Variants in SEC22A observed in about 807,000 individuals in gnomAD.
SEC22A encodes the protein SEC22 homolog A, vesicle trafficking protein.
Under a neutral mutation model 35.3 loss-of-function variants are expected in SEC22A, and 22 were observed. The ratio of observed to expected loss-of-function variants is 0.62; its 90% CI spans 0.45 to 0.89. The LOEUF is 0.89. SEC22A is among the 40% of genes least tolerant of loss of function. SEC22A has a pLI of 0.00. For synonymous variants in SEC22A, 119 were observed against 129.5 expected (o/e 0.92, Z 0.55); for missense variants, 354 against 362.5 (o/e 0.98, Z 0.19).
rs1427997044 is a variant in SEC22A at position 123,219,068 on chromosome 3, T to G, written c.183-4491T>G. Among the ~76,000 whole-genome samples, 4 of 152,354 alleles carry G rather than the reference T, an allele frequency of 2.6e-5. No individual in the cohort carries two copies. The East Asian group carries it at 7.7e-4, about 29-fold the overall frequency. On this transcript the variant is annotated intron_variant, in intron 2 of 6. Transcript: ENST00000492595. ...AGATTGTGTGTTCTGGGAAGGACTT[T>G]CAGTCTAAGAACTGAAGGATATGTA...
At chr3:123,210,765 G>C (rs1281123529) in intron 2 of SEC22A, among the ~76,000 whole-genome samples, 1 of 152,174 alleles carries the variant, frequency 6.6e-6, no homozygotes, top group Non-Finnish European at 1.5e-5. Flanking sequence ...AGTCCATATA[G>C]GATATAATAA....
chr3:123,209,148 T>C, intron 1 of SEC22A, 51 bp from the exon 2 acceptor site: 1 of 1,416,594 alleles, frequency 7.1e-7, no homozygotes, highest in Non-Finnish European at 1.0e-6. Flanking sequence ...CATATGCTTA[T>C]CAAGTTTGGC....
rs1272444272 is a variant in SEC22A, at chr3:123,209,269, C to T, written c.52C>T (p.Leu18Phe). The T allele has an allele frequency of 6.2e-7, 1 of 1,614,116 alleles. No homozygotes were observed. Among genetic ancestry groups the T allele is most frequent in the Non-Finnish European group, 8.5e-7 (1 of 1,179,986 alleles). Residue 18 changes from leucine to phenylalanine, a missense_variant, in exon 2 of 7, where the codon CTT (leucine) becomes TTT (phenylalanine). Transcript: ENST00000492595. Reference protein sequence around the residue: ...SVIRVRDGLPLSASTDYEQST... With the variant: ...SVIRVRDGLPFSASTDYEQST... The stretch of plus-strand genomic sequence containing the variant: ...CATTCGTGTCAGAGATGGACTGCCA[C>T]TTTCTGCTTCTACTGATTATGAACA...
In SEC22A at chr3:123,241,873, A is replaced by C. The variant is rs1477987098; in HGVS notation, c.542-4026A>C. On this transcript the variant is annotated intron_variant, in intron 4 of 6. Coordinates refer to ENST00000492595, the MANE Select transcript of SEC22A (RefSeq NM_012430.5). Reference sequence around the variant, plus strand: ...GAACTGGAGATCATTAAGTAAAATAAGCCAGGCACAGAAAGACAAACATTG... The same window carrying C: ...GAACTGGAGATCATTAAGTAAAATACGCCAGGCACAGAAAGACAAACATTG... 2.0e-5 allele frequency among the ~76,000 whole-genome samples: 3 copies of C among 152,174 alleles called. No individual in the cohort carries two copies. In the East Asian group the frequency reaches 5.8e-4, roughly 29 times the overall value.
At chr3:123,256,983 T>C (rs1239555200) in intron 5 of SEC22A, among the ~76,000 whole-genome samples, 1 of 152,052 alleles carries the variant, frequency 6.6e-6, no homozygotes, top group African/African-American at 2.4e-5. Context: ...ATGGTCTCGA[T>C]ATCCTGACCT....
chr3:123,250,870 T>C (rs1937606562), intron 5 of SEC22A, among the ~76,000 whole-genome samples: 2 of 152,324 alleles, frequency 1.3e-5, no homozygotes, highest in East Asian at 3.9e-4. Context: ...AAGAGACTAA[T>C]GAACATGTTA....
chr3:123,271,550 G>C lies in SEC22A; in HGVS notation c.752G>C (p.Trp251Ser), dbSNP rs1938159110. 1.9e-6 allele frequency: 3 copies of C among 1,613,660 alleles called. No individual in the cohort carries two copies. The highest frequency in any genetic ancestry group is 2.5e-6 in the Non-Finnish European group (3 of 1,180,010). Residue 251 changes from tryptophan to serine, a missense_variant, in exon 7 of 7, where the codon TGG becomes TCG. Physicochemically the swap from Trp to Ser is radical, Grantham distance 177 (BLOSUM62 -3). Transcript: ENST00000492595. ...TATTTACTTGTCTACTACACCGGCT[G>C]GCGGAATGTCAAATCTTTTTTGACT... ...QCYLLVYYTG[W>S]RNVKSFLTFG...
chr3:123,252,723 G>T (rs1937628527), intron 5 of SEC22A, among the ~76,000 whole-genome samples: 1 of 152,180 alleles, frequency 6.6e-6, no homozygotes, highest in African/African-American at 2.4e-5. Flanking sequence ...AATGGTGTTT[G>T]AAGATTCAGC....
At chr3:123,268,256 T>G (rs1320120393) in intron 6 of SEC22A, among the ~76,000 whole-genome samples, 1 of 152,246 alleles carries the variant, frequency 6.6e-6, no homozygotes, top group Non-Finnish European at 1.5e-5. Flanking sequence ...TCTTTCCTGG[T>G]CTTTTACCAG....
chr3:123,256,145 T>G (rs1267845737), intron 5 of SEC22A, among the ~76,000 whole-genome samples: 1 of 152,216 alleles, frequency 6.6e-6, no homozygotes, highest in Non-Finnish European at 1.5e-5. Context: ...TATATAGTGT[T>G]TTGTTCCTCT....
intron 2 of SEC22A, among the ~76,000 whole-genome samples, chr3:123,222,470 A>G (rs1937144849): frequency 6.6e-6 from 1 of 152,080 alleles, no homozygotes; most frequent in Non-Finnish European, 1.5e-5. Flanking sequence ...AAGTGCTGGG[A>G]TTACAGGCCC....
intron 5 of SEC22A, among the ~76,000 whole-genome samples, chr3:123,251,581 TGA>T (rs1471363165): frequency 6.7e-6 from 1 of 148,682 alleles, no homozygotes; most frequent in East Asian, 1.9e-4. Flanking sequence ...TTGAGGTTCC[TGA>T]GAGAGTGATT....
At chr3:123,242,522 C>T (rs9865937) in intron 4 of SEC22A, among the ~76,000 whole-genome samples, 29,538 of 147,162 alleles carry the variant, frequency 0.2, 2,983 homozygotes, top group Middle Eastern at 0.28. Context: ...TTAATTTTAG[C>T]TTTATTCTTT....
chr3:123,243,930 A>G (rs1033231834), intron 4 of SEC22A: 2 of 152,218 alleles, frequency 1.3e-5, no homozygotes, highest in East Asian at 1.9e-4. Context: ...GGAGAAGGCA[A>G]TAATAACAAA....
chr3:123,253,206 A>AT (rs1469832523), intron 5 of SEC22A, among the ~76,000 whole-genome samples: 1 of 152,140 alleles, frequency 6.6e-6, no homozygotes, highest in South Asian at 2.1e-4. Flanking sequence ...TGCATGGGTT[A>AT]TTTTACCTTC....
Position 123,259,550 on chromosome 3 carries a change from C to A in SEC22A, c.684C>A (p.Ile228=). The A allele has an allele frequency of 6.2e-7, 1 of 1,612,782 alleles. No individual in the cohort carries two copies. The highest frequency in any genetic ancestry group is 8.5e-7 in the Non-Finnish European group (1 of 1,179,236). The change falls in exon 6 of 7, where the codon ATC becomes ATA. Residue 228 remains isoleucine, a synonymous_variant. Coordinates refer to ENST00000492595, the MANE Select transcript of SEC22A (RefSeq NM_012430.5). ...LQSDGDDFNY[I]IAFFLGTAAC... ...GTGATGGTGATGATTTTAATTACAT[C>A]ATTGCATTTTTCCTTGGAACAGCAG...
At chr3:123,240,386 AAAG>A (rs1323301682) in intron 4 of SEC22A, among the ~76,000 whole-genome samples, 7 of 152,156 alleles carry the variant, frequency 4.6e-5, no homozygotes, top group African/African-American at 1.7e-4. Flanking sequence ...ACTTTATATA[AAAG>A]AAGACTACAT....
chr3:123,265,949 G>A lies in SEC22A; in HGVS notation c.724-5573G>A, dbSNP rs188756342. On this transcript the variant is annotated intron_variant, in intron 6 of 6. Coordinates refer to ENST00000492595, the MANE Select transcript of SEC22A (RefSeq NM_012430.5). ...CCACATAGTCTCGATTACTGTAGCC[G>A]TATAATAAGTCATAAATTTTCTTAG... 3.0e-3 allele frequency among the ~76,000 whole-genome samples: 458 copies of A among 152,210 alleles called. 3 individuals carry two copies. The highest frequency in any genetic ancestry group is 2.1e-3 in the Non-Finnish European group (140 of 68,016).
intron 1 of SEC22A, chr3:123,202,216 G>A (rs1451087408): frequency 6.5e-6 from 1 of 152,962 alleles, no homozygotes; most frequent in South Asian, 2.1e-4. Flanking sequence ...TTCGACTTGA[G>A]GGTTCTCTGG....
Sources: gnomAD v4.1 joint callset for allele counts (sites outside exome capture counted in the v4.1 genomes callset) on GRCh38, gnomAD v4.1.1 for gene constraint, MANE v1.5 for transcripts, NCBI Gene and HGNC (gene_info 2026-07-23, HGNC 2026-07-21) for gene names.